Variants in PPP2R2C observed in about 807,000 individuals in gnomAD.
The protein encoded by PPP2R2C is protein phosphatase 2, regulatory subunit B, gamma.
A neutral mutation model predicts 45.3 loss-of-function variants in PPP2R2C; 10 were observed. The ratio of observed to expected loss-of-function variants is 0.22; its 90% CI spans 0.14 to 0.37. The LOEUF (loss-of-function observed/expected upper bound fraction) is 0.37, where lower values mean the gene tolerates loss of function less well. PPP2R2C is among the 10% of genes least tolerant of loss of function. PPP2R2C has a pLI of 1.00. For synonymous variants in PPP2R2C, 257 were observed against 245.4 expected (o/e 1.05, Z -0.44); for missense variants, 308 against 619.7 (o/e 0.50, Z 5.34).
rs980642155 is a variant in PPP2R2C at position 6,368,841 on chromosome 4, G to A, written c.625+3682C>T. Among the ~76,000 whole-genome samples, 3 of 151,936 alleles carry A rather than the reference G, an allele frequency of 2.0e-5. No individual in the cohort carries two copies. Among genetic ancestry groups the A allele is most frequent in the South Asian group, 2.1e-4 (1 of 4,810 alleles). On this transcript the variant is annotated intron_variant, in intron 5 of 8. Coordinates refer to ENST00000382599, the MANE Select transcript of PPP2R2C (RefSeq NM_020416.4). This position sits in a 1 kb window ranked among gnomAD's most constrained non-coding sequence, Gnocchi z 4.2. Reference sequence around the variant, plus strand: ...CAATCCACCCACGACACACACCCACGACATACACACCTCCAAAGCTGGCTA... The same window carrying A: ...CAATCCACCCACGACACACACCCACAACATACACACCTCCAAAGCTGGCTA...
chr4:6,530,941 A>G (rs1466655470), intron 2 of PPP2R2C, among the ~76,000 whole-genome samples: 1 of 152,204 alleles, frequency 6.6e-6, no homozygotes, highest in East Asian at 1.9e-4. Flanking sequence ...GGAGGGACAC[A>G]TTCCTGCTTG....
intron 1 of PPP2R2C, chr4:6,381,695 GCCCTGACCCT>G (rs1715807214): frequency 3.9e-6 from 6 of 1,544,350 alleles, no homozygotes; most frequent in Non-Finnish European, 5.2e-6. Flanking sequence ...AGCCCTGCCT[GCCCTGACCCT>G]CCCTGCACTT....
At chr4:6,512,292 G>A (rs1723631522) in intron 2 of PPP2R2C, among the ~76,000 whole-genome samples, 3 of 119,162 alleles carry the variant, frequency 2.5e-5, no homozygotes, top group Non-Finnish European at 5.5e-5. Context: ...TGGTGATGGT[G>A]GCGGTGGTGG....
Position 6,330,196 on chromosome 4 carries a change from T to A in PPP2R2C, c.961-843A>T, listed in dbSNP as rs780498063. On this transcript the variant is annotated intron_variant, in intron 7 of 8. Transcript: ENST00000382599. The surrounding 1 kb of genome is among the most constrained non-coding windows in gnomAD (Gnocchi z 7.0). ...CCCTGTACCCGGAGGGCCGCATGAGTGCCAGCCCTCTGCTGAGGCTGGAGC... is the reference window on the plus strand; with the variant it reads ...CCCTGTACCCGGAGGGCCGCATGAGAGCCAGCCCTCTGCTGAGGCTGGAGC... 1.3e-5 allele frequency among the ~76,000 whole-genome samples: 2 copies of A among 151,972 alleles called. No individual in the cohort carries two copies. The highest frequency in any genetic ancestry group is 2.9e-5 in the Non-Finnish European group (2 of 67,996).
In PPP2R2C at chr4:6,378,136, T is replaced by C. The variant is rs79412838; in HGVS notation, c.334+271A>G. Among the ~76,000 whole-genome samples the C allele has an allele frequency of 0.044, 6,635 of 151,692 alleles. 333 individuals carry two copies. Among genetic ancestry groups the C allele is most frequent in the African/African-American group, 0.12 (5,165 of 41,340 alleles). On this transcript the variant is annotated intron_variant, in intron 3 of 8. Transcript: ENST00000382599. The surrounding 1 kb of genome is among the most constrained non-coding windows in gnomAD (Gnocchi z 5.2). ...CAGGGGGCAGCCCTGTGTCTGGCCA[T>C]GGGGAGCTTCTGAGAGGGTCTGGCA... is the stretch of plus-strand genomic sequence containing the variant.
intron 2 of PPP2R2C, among the ~76,000 whole-genome samples, chr4:6,493,842 G>A (rs995757431): frequency 5.3e-5 from 8 of 152,220 alleles, no homozygotes; most frequent in South Asian, 2.1e-4. Context: ...GTCGGGAGCC[G>A]TAGCTTTAAA....
rs186768005 is a variant in PPP2R2C, at chr4:6,437,979, C to T, written c.70+34181G>A. 3.4e-3 allele frequency among the ~76,000 whole-genome samples: 525 copies of T among 152,296 alleles called. 5 individuals carry two copies. Among genetic ancestry groups the T allele is most frequent in the African/African-American group, 0.012 (484 of 41,546 alleles). ...CAGTCTTCTGGATCAATCCCAAACC[C>T]GTGGGGCTGCTGGCTTACTTTCAGT... On this transcript the variant is annotated intron_variant, in intron 1 of 8. Coordinates refer to ENST00000382599, the MANE Select transcript of PPP2R2C (RefSeq NM_020416.4).
At chr4:6,348,646 T>C in intron 5 of PPP2R2C, 1 of 985,346 alleles carries the variant, frequency 1.0e-6, no homozygotes, top group Non-Finnish European at 1.2e-6. Context: ...GGACTTGGAA[T>C]ACTGAAAAGG....
intron 1 of PPP2R2C, among the ~76,000 whole-genome samples, chr4:6,393,672 G>A (rs561489454): frequency 2.3e-4 from 35 of 152,208 alleles, no homozygotes; most frequent in Non-Finnish European, 4.6e-4. Context: ...GACAGGGATC[G>A]GGGAGGCCAG....
chr4:6,478,719 G>C (rs146714435), intron 2 of PPP2R2C, among the ~76,000 whole-genome samples: 2,773 of 152,332 alleles, frequency 0.018, 44 homozygotes, highest in Non-Finnish European at 0.027. Flanking sequence ...GCCTCAGCCG[G>C]AATGAACTAG....
chr4:6,345,114 A>G lies in PPP2R2C; in HGVS notation c.790+2732T>C, dbSNP rs1711715409. On this transcript the variant is annotated intron_variant, in intron 6 of 8. Coordinates refer to ENST00000382599, the MANE Select transcript of PPP2R2C (RefSeq NM_020416.4). The surrounding 1 kb of genome is among the most constrained non-coding windows in gnomAD (Gnocchi z 5.3). ...ATATTGAGGATGTTTCTGGATTTCCACCCCTATAAACAACAGGGTGCCAAT... is the reference window on the plus strand; with the variant it reads ...ATATTGAGGATGTTTCTGGATTTCCGCCCCTATAAACAACAGGGTGCCAAT... 6.6e-6 allele frequency among the ~76,000 whole-genome samples: 1 copy of G among 152,208 alleles called. No individual in the cohort carries two copies. The highest frequency in any genetic ancestry group is 1.5e-5 in the Non-Finnish European group (1 of 68,026).
intron 1 of PPP2R2C, among the ~76,000 whole-genome samples, chr4:6,417,437 T>G (rs1718665076): frequency 6.6e-6 from 1 of 152,188 alleles, no homozygotes; most frequent in South Asian, 2.1e-4. Flanking sequence ...CTGGGGGTAC[T>G]GCCTCCCTCT....
chr4:6,535,139 G>T, intron 2 of PPP2R2C: 1 of 1,057,210 alleles, frequency 9.5e-7, no homozygotes, highest in Non-Finnish European at 1.4e-6. Context: ...GAGCAGGGGA[G>T]GGACCGGATC....
At chr4:6,519,369 C>T (rs1475489847) in intron 2 of PPP2R2C, among the ~76,000 whole-genome samples, 5 of 152,232 alleles carry the variant, frequency 3.3e-5, no homozygotes, top group African/African-American at 4.8e-5. Flanking sequence ...GGAGGGAGAA[C>T]AGAGCCAGGC....
chr4:6,537,792 C>T (rs1414916132), intron 1 of PPP2R2C, among the ~76,000 whole-genome samples: 1 of 152,108 alleles, frequency 6.6e-6, no homozygotes, highest in Non-Finnish European at 1.5e-5. Context: ...CCTCGTGATC[C>T]ACCTGCCTCG....
At chr4:6,525,312 G>A (rs1167835137) in intron 2 of PPP2R2C, among the ~76,000 whole-genome samples, 2 of 152,120 alleles carry the variant, frequency 1.3e-5, no homozygotes, top group Admixed American at 6.5e-5. Flanking sequence ...GGCTGAGGCA[G>A]GAGAATCTCT....
intron 1 of PPP2R2C, among the ~76,000 whole-genome samples, chr4:6,404,789 G>C (rs1183443086): frequency 2.6e-5 from 4 of 152,204 alleles, no homozygotes; most frequent in Admixed American, 6.5e-5. Flanking sequence ...CAGGGCACCC[G>C]CAAATGGCAG....
At chr4:6,351,904 G>A (rs771693314) in intron 5 of PPP2R2C, among the ~76,000 whole-genome samples, 32 of 152,132 alleles carry the variant, frequency 2.1e-4, no homozygotes, top group Admixed American at 3.9e-4. Context: ...GGACCTACCC[G>A]GGCCTGCAGC....
At chr4:6,429,440 C>T (rs572643124) in intron 1 of PPP2R2C, among the ~76,000 whole-genome samples, 97 of 152,230 alleles carry the variant, frequency 6.4e-4, no homozygotes, top group African/African-American at 2.1e-3. Flanking sequence ...TTTTTTAAGA[C>T]TTTGAAAAAT....
Sources: gnomAD v4.1 joint callset for allele counts (sites outside exome capture counted in the v4.1 genomes callset) on GRCh38, gnomAD v4.1.1 for gene constraint, Gnocchi (gnomAD v3.1) non-coding constraint, MANE v1.5 for transcripts, NCBI Gene and HGNC (gene_info 2026-07-23, HGNC 2026-07-21) for gene names.